GPM6B: variants seen among roughly 807,000 people sequenced by gnomAD.
GPM6B encodes neuronal membrane glycoprotein M6-b.
GPM6B carries 4 observed loss-of-function variants against 27.2 expected under a neutral mutation model. The ratio of observed to expected loss-of-function variants is 0.15; its 90% CI spans 0.07 to 0.34. The LOEUF (loss-of-function observed/expected upper bound fraction) is 0.34. GPM6B is among the 10% of genes least tolerant of loss of function. The pLI is 1.00. For synonymous variants in GPM6B, 124 were observed against 103.1 expected (o/e 1.20, Z -1.23); for missense variants, 183 against 261.9 (o/e 0.70, Z 2.08).
In GPM6B at chrX:13,861,037, CACACACATATAT is replaced by C. The variant is rs1424036482; in HGVS notation, c.-197-75241_-197-75230del. Among the ~76,000 whole-genome samples the C allele has an allele frequency of 7.6e-4, 32 of 41,922 alleles. No homozygotes were observed. In the South Asian group the frequency reaches 0.028, roughly 37 times the overall value. The allele number at this position is 41,922 out of a possible 115,157, so 36.4% of individuals were successfully genotyped here. On this transcript the variant is annotated intron_variant, in intron 1 of 6. Transcript: ENST00000398361. ...ACACACACACACACACACACACACA[CACACACATATAT>C]ACATATATATACACATACATATATA...
At chrX:13,823,520 G>T (rs1463677207) in intron 1 of GPM6B, among the ~76,000 whole-genome samples, 42 of 95,980 alleles carry the variant, frequency 4.4e-4, no homozygotes, top group African/African-American at 5.6e-4. Flanking sequence ...ACTGAACCTG[G>T]TTTTTTTTTT....
At chrX:13,774,087 A>G in intron 7 of GPM6B, 1 of 751,379 alleles carries the variant, frequency 1.3e-6, no homozygotes, top group African/African-American at 2.3e-5. Flanking sequence ...TTTAGAACAT[A>G]TTTGCAAAGT....
rs760315452 is a variant in GPM6B at position 13,777,443 on chromosome X, A to G, written c.698-18T>C. On this transcript the variant is annotated intron_variant, in intron 5 of 7. Transcript: ENST00000316715. ...AATGATACCTGTAAAATGAACCCCA[A>G]TAGGATGTTAGTACAAACTATAGCG... The G allele has an allele frequency of 1.8e-5, 20 of 1,101,177 alleles. No individual in the cohort carries two copies. The highest frequency in any genetic ancestry group is 6.6e-5 in the Admixed American group (3 of 45,714). The allele number at this position is 1,101,177 out of a possible 1,213,427, so 90.7% of individuals were successfully genotyped here. A position where few individuals can be genotyped will look rare whatever the true frequency, so the allele number is the denominator to read the frequency against.
chrX:13,874,401 A>C (rs1032264876), intron 1 of GPM6B, among the ~76,000 whole-genome samples: 35 of 111,132 alleles, frequency 3.1e-4, no homozygotes, highest in African/African-American at 1.1e-3. Context: ...AGCAACTTTT[A>C]AAGTGGGAGG....
chrX:13,819,302 T>C (rs2049282218), upstream of GPM6B, among the ~76,000 whole-genome samples: 1 of 112,526 alleles, frequency 8.9e-6, no homozygotes, highest in South Asian at 3.7e-4. Context: ...CTGATGTTTA[T>C]GATAAACCAT....
intron 1 of GPM6B, among the ~76,000 whole-genome samples, chrX:13,839,710 T>C (rs1455704410): frequency 8.9e-6 from 1 of 111,895 alleles, no homozygotes; most frequent in Non-Finnish European, 1.9e-5. Flanking sequence ...CCAGGTCTTC[T>C]AGGAATTAAA....
rs775615501 is a variant in GPM6B at position 13,791,341 on chromosome X, C to T, written c.182-5533G>A. The stretch of plus-strand genomic sequence containing the variant: ...TCTTATGCCTCAGCCTCCCTAGTAG[C>T]TGGCATTACAGGCACATGCCACCAC... On this transcript the variant is annotated intron_variant, in intron 2 of 7. Transcript: ENST00000316715. Among the ~76,000 whole-genome samples the T allele has an allele frequency of 8.1e-5, 9 of 110,918 alleles. No homozygotes were observed. The South Asian group carries it at 3.5e-3, about 43-fold the overall frequency.
chrX:13,805,714 G>A (rs1041810013), intron 2 of GPM6B, among the ~76,000 whole-genome samples: 22 of 111,924 alleles, frequency 2.0e-4, no homozygotes, highest in Admixed American at 1.7e-3. Flanking sequence ...ATTGATAGAG[G>A]TTTCTTTTAT....
intron 1 of GPM6B, among the ~76,000 whole-genome samples, chrX:13,927,542 C>T (rs1326504964): frequency 8.9e-6 from 1 of 112,771 alleles, no homozygotes; most frequent in African/African-American, 3.2e-5. Flanking sequence ...AAAATCATCC[C>T]AGGCCTTTGG....
At chrX:13,852,796 C>T (rs1372465661) in intron 1 of GPM6B, among the ~76,000 whole-genome samples, 2 of 72,406 alleles carry the variant, frequency 2.8e-5, no homozygotes, top group Non-Finnish European at 5.4e-5. Context: ...TTTTTAAAGA[C>T]TGGGTTTCAC....
intron 1 of GPM6B, among the ~76,000 whole-genome samples, chrX:13,927,693 C>G (rs1256617374): frequency 8.9e-6 from 1 of 112,732 alleles, no homozygotes; most frequent in African/African-American, 3.2e-5. Flanking sequence ...TCTATTACAT[C>G]CTTAAGTCCT....
chrX:13,902,630 G>A (rs2050292581), intron 1 of GPM6B, among the ~76,000 whole-genome samples: 1 of 111,101 alleles, frequency 9.0e-6, no homozygotes, highest in Non-Finnish European at 1.9e-5. Flanking sequence ...CCAAGAGCCA[G>A]CTGAAAATCC....
chrX:13,900,691 C>T (rs1430571983), intron 1 of GPM6B, among the ~76,000 whole-genome samples: 2 of 112,006 alleles, frequency 1.8e-5, no homozygotes, highest in Non-Finnish European at 3.8e-5. Context: ...GAACTATCTG[C>T]CTGCTATATT....
chrX:13,801,023 T>C (rs1331951801), intron 2 of GPM6B, among the ~76,000 whole-genome samples: 2 of 106,290 alleles, frequency 1.9e-5, no homozygotes, highest in Non-Finnish European at 1.9e-5. Flanking sequence ...ATTCAGGGCA[T>C]TGGAACCTCA....
rs764395930 is a variant in GPM6B, at chrX:13,816,913, C to A, written c.-9G>T. On this transcript the variant is annotated 5_prime_UTR_variant, in exon 1 of 8. Coordinates refer to ENST00000316715, the MANE Select transcript of GPM6B (RefSeq NM_001001995.3). ...TCCATGGCTGGCTTCATACCATCCACCAAAAATGCTTTTCCCCCTGTTCCC... is the reference window on the plus strand; with the variant it reads ...TCCATGGCTGGCTTCATACCATCCAACAAAAATGCTTTTCCCCCTGTTCCC... 1.1e-5 allele frequency: 13 copies of A among 1,192,268 alleles called. No individual in the cohort carries two copies. Among genetic ancestry groups the A allele is most frequent in the Non-Finnish European group, 1.2e-5 (11 of 888,412 alleles).
chrX:13,872,197 G>C (rs2049986516), intron 1 of GPM6B, among the ~76,000 whole-genome samples: 1 of 87,338 alleles, frequency 1.1e-5, no homozygotes, highest in Non-Finnish European at 2.2e-5. Context: ...TTTTAGACAG[G>C]GTCTCACTCT....
rs150516388 is a variant in GPM6B, at chrX:13,824,617, G to A, written c.-197-38809C>T. ...AGACTGAAGAGGGCAGAGTCAGGGC[G>A]ACCATACTTGATTAGGGAAGAGGTG... On this transcript the variant is annotated intron_variant, in intron 1 of 6. Transcript: ENST00000398361. Among the ~76,000 whole-genome samples, 436 of 111,758 alleles carry A rather than the reference G, an allele frequency of 3.9e-3. 1 individual carries two copies. Among genetic ancestry groups the A allele is most frequent in the South Asian group, 0.023 (59 of 2,615 alleles).
At chrX:13,886,691 G>C (rs2050138116) in intron 1 of GPM6B, among the ~76,000 whole-genome samples, 1 of 77,431 alleles carries the variant, frequency 1.3e-5, no homozygotes, top group Non-Finnish European at 2.2e-5. Context: ...TCTCCTAAGT[G>C]CCACCTCTCT....
chrX:13,910,632 C>T (rs1452268792), intron 1 of GPM6B, among the ~76,000 whole-genome samples: 1 of 113,075 alleles, frequency 8.8e-6, no homozygotes, highest in Non-Finnish European at 1.9e-5. Flanking sequence ...ACACAAATAA[C>T]AGTGAAGGGA....
Sources: allele counts gnomAD v4.1 joint callset (sites outside exome capture counted in the v4.1 genomes callset), GRCh38; gene constraint gnomAD v4.1.1; transcripts MANE v1.5; gene names NCBI Gene and HGNC (gene_info 2026-07-23, HGNC 2026-07-21).